SEC14L1: variants seen among roughly 807,000 people sequenced by gnomAD.
The protein encoded by SEC14L1 is SEC14-like protein 1.
In SEC14L1, 48 loss-of-function variants were observed where a neutral mutation model predicts 85.3. That is an observed-to-expected ratio of 0.56 (90% confidence interval 0.45 to 0.72). SEC14L1 has a LOEUF of 0.72. Ranked by LOEUF, SEC14L1 falls within the 30% of genes least tolerant of loss-of-function variation. The pLI is 0.00. For missense variants in SEC14L1, 682 were observed against 921.4 expected, an observed-to-expected ratio of 0.74 and a Z score of 3.36; for synonymous variants, 391 against 355.5, an observed-to-expected ratio of 1.10 and a Z score of -1.12.
At chr17:77,181,828 A>T (rs1975051942) in intron 3 of SEC14L1, among the ~76,000 whole-genome samples, 1 of 152,036 alleles carries the variant, frequency 6.6e-6, no homozygotes, top group South Asian at 2.1e-4. Flanking sequence ...GCCCTCTGTA[A>T]AGAGCTGTTA....
chr17:77,213,248 A>C lies in SEC14L1; in HGVS notation c.1864-66A>C, dbSNP rs1976857801. 2 of 1,388,912 alleles carry C rather than the reference A, an allele frequency of 1.4e-6. No individual in the cohort carries two copies. Among genetic ancestry groups the C allele is most frequent in the Non-Finnish European group, 2.0e-6 (2 of 1,015,880 alleles). 86.0% of individuals were successfully genotyped at this position (1,388,912 alleles called of 1,614,324 possible). On this transcript the variant is annotated intron_variant, in intron 15 of 16. Transcript: ENST00000436233. The surrounding 1 kb of genome is among the most constrained non-coding windows in gnomAD (Gnocchi z 7.1). ...AAAGACAGTCCCCTTGGCGCTTGTCAGGCCTGTGGTAGGCCAGGGGTCGGA... is the reference window on the plus strand; with the variant it reads ...AAAGACAGTCCCCTTGGCGCTTGTCCGGCCTGTGGTAGGCCAGGGGTCGGA...
intron 3 of SEC14L1, chr17:77,185,413 C>G: frequency 1.0e-6 from 1 of 983,972 alleles, no homozygotes. Flanking sequence ...AAATATGAGT[C>G]TACGTGGATG....
chr17:77,161,712 CTTTTTTTTT>C (rs763767954), intron 3 of SEC14L1, among the ~76,000 whole-genome samples: 1 of 103,052 alleles, frequency 9.7e-6, no homozygotes, highest in African/African-American at 3.7e-5. Context: ...TAAATTGGTT[CTTTTTTTTT>C]TTTTTTTTTT....
intron 3 of SEC14L1, among the ~76,000 whole-genome samples, chr17:77,169,007 C>CTTTTTTTTTTTTTTTTTTT (rs71160208): frequency 2.6e-5 from 2 of 77,832 alleles, no homozygotes; most frequent in Non-Finnish European, 4.7e-5. Context: ...TGAGGAGCAT[C>CTTTTTTTTTTTTTTTTTTT]TTTTTTTTTT....
intron 10 of SEC14L1, among the ~76,000 whole-genome samples, chr17:77,204,367 G>A (rs1190925251): frequency 3.3e-5 from 5 of 151,214 alleles, no homozygotes; most frequent in Admixed American, 6.6e-5. Flanking sequence ...TCAGGCACCC[G>A]CCACCATGCC....
At chr17:77,178,705 G>A (rs1306949879) in intron 3 of SEC14L1, among the ~76,000 whole-genome samples, 3 of 152,314 alleles carry the variant, frequency 2.0e-5, no homozygotes, top group African/African-American at 7.2e-5. Context: ...TCCCTTGTGT[G>A]TGCAGTTCAC....
At chr17:77,151,175 G>T (rs1255084414) in intron 3 of SEC14L1, among the ~76,000 whole-genome samples, 2 of 152,126 alleles carry the variant, frequency 1.3e-5, no homozygotes, top group African/African-American at 4.8e-5. Context: ...ACCCAACTTT[G>T]TTCAAGTCTG....
chr17:77,216,684 T>C lies in SEC14L1; in HGVS notation c.*2661T>C. Reference sequence around the variant, plus strand: ...GGCTGAAGATCTGTTCTTTTTAAGTTGATTCGGGAGTGGCATTCTTTTATA... The same window carrying C: ...GGCTGAAGATCTGTTCTTTTTAAGTCGATTCGGGAGTGGCATTCTTTTATA... On this transcript the variant is annotated 3_prime_UTR_variant, in exon 17 of 17. Coordinates refer to ENST00000436233, the MANE Select transcript of SEC14L1 (RefSeq NM_001143998.2). The C allele has an allele frequency of 1.3e-6, 2 of 1,574,628 alleles. No individual in the cohort carries two copies. Among genetic ancestry groups the C allele is most frequent in the Non-Finnish European group, 1.7e-6 (2 of 1,150,888 alleles).
At chr17:77,169,525 T>C (rs186284866) in intron 3 of SEC14L1, among the ~76,000 whole-genome samples, 90 of 152,352 alleles carry the variant, frequency 5.9e-4, no homozygotes, top group African/African-American at 2.0e-3. Flanking sequence ...TTGTTTAATG[T>C]GCGAGCAGAA....
Position 77,213,495 on chromosome 17 carries a change from G to C in SEC14L1, c.2042+3G>C. The stretch of plus-strand genomic sequence containing the variant: ...GTGATCGGCTCGGAGGATTTCAGGT[G>C]CGGCCACCCTCGCCACAGCAGGTGC... On this transcript the variant is annotated splice_donor_region_variant and intron_variant, in intron 16 of 16. Coordinates refer to ENST00000436233, the MANE Select transcript of SEC14L1 (RefSeq NM_001143998.2). This position sits in a 1 kb window ranked among gnomAD's most constrained non-coding sequence, Gnocchi z 7.1. The C allele has an allele frequency of 1.2e-6, 2 of 1,606,356 alleles. No homozygotes were observed. The highest frequency in any genetic ancestry group is 1.7e-6 in the Non-Finnish European group (2 of 1,179,964).
chr17:77,189,427 C>T (rs1158698272), intron 3 of SEC14L1, among the ~76,000 whole-genome samples: 1 of 152,154 alleles, frequency 6.6e-6, no homozygotes, highest in Non-Finnish European at 1.5e-5. Context: ...ATGGAGGTTA[C>T]CAAGAGGGAC....
chr17:77,179,867 C>T (rs887245297), intron 3 of SEC14L1, among the ~76,000 whole-genome samples: 8 of 151,688 alleles, frequency 5.3e-5, no homozygotes, highest in African/African-American at 1.5e-4. Context: ...TTAGTAGAGA[C>T]GGGGTTTCAC....
intron 3 of SEC14L1, chr17:77,145,165 T>C (rs1973244540): frequency 6.6e-6 from 1 of 150,862 alleles, no homozygotes; most frequent in East Asian, 2.0e-4. Flanking sequence ...TTGTTTTGTT[T>C]TGTTTTTTAG....
At chr17:77,212,883 C>T in intron 15 of SEC14L1, 1 of 180,352 alleles carries the variant, frequency 5.5e-6, no homozygotes, top group East Asian at 1.6e-4. Flanking sequence ...AGGAGCTTTC[C>T]ACGGATTGAC....
chr17:77,205,057 G>C (rs1976394782), intron 10 of SEC14L1: 1 of 511,576 alleles, frequency 2.0e-6, no homozygotes, highest in African/African-American at 1.9e-5. Context: ...CGTTACCTTT[G>C]CCACACATGA....
intron 3 of SEC14L1, among the ~76,000 whole-genome samples, chr17:77,096,946 C>T (rs1971662471): frequency 6.6e-6 from 1 of 152,186 alleles, no homozygotes; most frequent in Non-Finnish European, 1.5e-5. Flanking sequence ...CCAGTGGAAT[C>T]AGTCCAGGTG....
chr17:77,119,257 G>A (rs751259486), intron 3 of SEC14L1, among the ~76,000 whole-genome samples: 15 of 149,858 alleles, frequency 1.0e-4, no homozygotes, highest in Non-Finnish European at 2.2e-4. Flanking sequence ...GCAGTGAGCC[G>A]AGATTGCGCC....
At chr17:77,157,231 C>A (rs1257648185) in intron 3 of SEC14L1, among the ~76,000 whole-genome samples, 1 of 152,184 alleles carries the variant, frequency 6.6e-6, no homozygotes, top group African/African-American at 2.4e-5. Context: ...TTTAAGTGGT[C>A]ATTGGTATGT....
Position 77,215,461 on chromosome 17 carries a change from C to A in SEC14L1, c.*1438C>A, listed in dbSNP as rs116265170. 0.019 allele frequency: 18,863 copies of A among 985,612 alleles called. 206 individuals carry two copies. Among genetic ancestry groups the A allele is most frequent in the Middle Eastern group, 0.02 (39 of 1,914 alleles). The allele number at this position is 985,612 out of a possible 1,614,324, so 61.1% of individuals were successfully genotyped here. ...CTGGTTGTGCCGTCTCAGCTCCGCT[C>A]TGAAGGCACTGTGTGGGTGCTGCGT... is the stretch of plus-strand genomic sequence containing the variant. On this transcript the variant is annotated 3_prime_UTR_variant, in exon 17 of 17. Coordinates refer to ENST00000436233, the MANE Select transcript of SEC14L1 (RefSeq NM_001143998.2).
Sources: allele counts gnomAD v4.1 joint callset (sites outside exome capture counted in the v4.1 genomes callset), GRCh38; gene constraint gnomAD v4.1.1; non-coding constraint Gnocchi (gnomAD v3.1); transcripts MANE v1.5; gene names NCBI Gene and HGNC (gene_info 2026-07-23, HGNC 2026-07-21).